Variants in CPQ observed in about 807,000 individuals in gnomAD.
The protein encoded by CPQ is carboxypeptidase Q.
CPQ carries 37 observed loss-of-function variants against 45.7 expected under a neutral mutation model. The ratio of observed to expected loss-of-function variants is 0.81; its 90% confidence interval spans 0.62 to 1.07. The LOEUF is 1.07. CPQ is among the 50% of genes least tolerant of loss of function. The probability of loss-of-function intolerance (pLI) is 0.00; values close to 1 mark genes in which losing one functional copy is unlikely to be tolerated. For synonymous variants in CPQ, 186 were observed against 205.8 expected (o/e 0.90, Z 0.82); for missense variants, 537 against 572.9 (o/e 0.94, Z 0.64).
At chr8:96,681,579 G>A (rs1222275760) in intron 1 of CPQ, among the ~76,000 whole-genome samples, 4 of 152,176 alleles carry the variant, frequency 2.6e-5, no homozygotes, top group East Asian at 1.9e-4. Flanking sequence ...CTTCTGCCAT[G>A]GCAGTGTGGA....
intron 1 of CPQ, among the ~76,000 whole-genome samples, chr8:96,661,656 T>TGGG (rs1815703430): frequency 6.6e-6 from 1 of 152,228 alleles, no homozygotes; most frequent in African/African-American, 2.4e-5. Flanking sequence ...TTCCATTGTC[T>TGGG]GGGTGTGCTA....
At chr8:97,046,604 A>ATGGAT (rs1486157909) in intron 6 of CPQ, among the ~76,000 whole-genome samples, 4 of 152,170 alleles carry the variant, frequency 2.6e-5, no homozygotes, top group Admixed American at 2.6e-4. Context: ...ATTTGCTTTT[A>ATGGAT]TGGATTCCTA....
At chr8:96,981,092 G>A (rs1813887634) in intron 5 of CPQ, among the ~76,000 whole-genome samples, 1 of 152,180 alleles carries the variant, frequency 6.6e-6, no homozygotes, top group East Asian at 1.9e-4. Flanking sequence ...AAAAATCAAG[G>A]CAGAGAAAAC....
chr8:96,989,209 C>T (rs1809043136), intron 5 of CPQ, among the ~76,000 whole-genome samples: 2 of 152,022 alleles, frequency 1.3e-5, no homozygotes, highest in South Asian at 4.1e-4. Context: ...CCATTAAGTT[C>T]CTTAATTGTG....
chr8:97,021,626 A>G (rs766426143), intron 5 of CPQ, among the ~76,000 whole-genome samples: 7 of 152,182 alleles, frequency 4.6e-5, no homozygotes, highest in African/African-American at 9.6e-5. Flanking sequence ...CAAAAAGATA[A>G]TATAATAAAA....
chr8:96,954,088 G>T (rs956107516), intron 4 of CPQ, among the ~76,000 whole-genome samples: 3 of 152,126 alleles, frequency 2.0e-5, no homozygotes, highest in Non-Finnish European at 4.4e-5. Context: ...ATATAATTTA[G>T]TAAGAATGGT....
rs957144736 is a variant in CPQ at position 97,091,101 on chromosome 8, A to G, written c.1255+24891A>G. On this transcript the variant is annotated intron_variant, in intron 7 of 7. Coordinates refer to ENST00000220763, the MANE Select transcript of CPQ (RefSeq NM_016134.4). ...AGGATTGAGATTTTGTGTAGAGGAGAGTTTGGTAAGAGTCCAAGAAAGTGG... is the reference window on the plus strand; with the variant it reads ...AGGATTGAGATTTTGTGTAGAGGAGGGTTTGGTAAGAGTCCAAGAAAGTGG... Among the ~76,000 whole-genome samples the G allele has an allele frequency of 2.0e-5, 3 of 152,066 alleles. No homozygotes were observed. The South Asian group carries it at 6.2e-4, about 32-fold the overall frequency.
chr8:96,924,803 C>A (rs1436632001), intron 4 of CPQ, among the ~76,000 whole-genome samples: 2 of 152,190 alleles, frequency 1.3e-5, no homozygotes, highest in African/African-American at 4.8e-5. Context: ...ATATAAACTT[C>A]TGTGGATATT....
intron 1 of CPQ, among the ~76,000 whole-genome samples, chr8:96,670,660 T>C (rs1563697549): frequency 6.6e-6 from 1 of 152,132 alleles, no homozygotes; most frequent in African/African-American, 2.4e-5. Flanking sequence ...TTAAACAAAC[T>C]GTGATATATC....
chr8:97,033,512 G>C (rs901620105), intron 6 of CPQ, among the ~76,000 whole-genome samples: 1 of 151,940 alleles, frequency 6.6e-6, no homozygotes, highest in Non-Finnish European at 1.5e-5. Context: ...TCTCTTTCTC[G>C]TTTGTATGAC....
At chr8:96,885,031 TAGTC>T (rs1484711764) in intron 4 of CPQ, among the ~76,000 whole-genome samples, 1 of 152,212 alleles carries the variant, frequency 6.6e-6, no homozygotes, top group Non-Finnish European at 1.5e-5. Context: ...GTGGGTATCT[TAGTC>T]TGTTTTATGC....
chr8:97,059,057 G>T (rs187569699), intron 6 of CPQ, among the ~76,000 whole-genome samples: 1 of 152,062 alleles, frequency 6.6e-6, no homozygotes, highest in Non-Finnish European at 1.5e-5. Flanking sequence ...TGCAGGGTTC[G>T]TGTGTTTTTG....
intron 1 of CPQ, among the ~76,000 whole-genome samples, chr8:96,688,258 G>T (rs1809260739): frequency 6.6e-6 from 1 of 151,962 alleles, no homozygotes; most frequent in Admixed American, 6.6e-5. Flanking sequence ...TACCATGAAC[G>T]TTATTTTCTT....
intron 1 of CPQ, among the ~76,000 whole-genome samples, chr8:96,684,139 T>C (rs1337245097): frequency 6.6e-6 from 1 of 152,244 alleles, no homozygotes; most frequent in Non-Finnish European, 1.5e-5. Flanking sequence ...TTACATTGAT[T>C]TCAGTGCATC....
intron 7 of CPQ, among the ~76,000 whole-genome samples, chr8:97,122,927 TAAATAAAATAAAATAAAATAAAATA>T (rs1313373275): frequency 5.1e-5 from 2 of 38,852 alleles, no homozygotes; most frequent in Non-Finnish European, 8.1e-5. Context: ...TAAAATAAAA[TAAATAAAATAAAATAAAATAAAATA>T]AAATAAAATA....
intron 1 of CPQ, among the ~76,000 whole-genome samples, chr8:96,783,778 A>G (rs925708621): frequency 1.3e-5 from 2 of 152,218 alleles, no homozygotes; most frequent in African/African-American, 2.4e-5. Context: ...AGTGTGACTG[A>G]GAAAATAAAT....
At chr8:96,814,112 A>T (rs1407694859) in intron 2 of CPQ, among the ~76,000 whole-genome samples, 1 of 152,044 alleles carries the variant, frequency 6.6e-6, no homozygotes, top group Non-Finnish European at 1.5e-5. Flanking sequence ...GGGGGGCATT[A>T]TTCTGTCCAC....
chr8:96,766,399 T>C (rs1218529974), intron 1 of CPQ, among the ~76,000 whole-genome samples: 2 of 152,176 alleles, frequency 1.3e-5, no homozygotes, highest in African/African-American at 4.8e-5. Context: ...TGATGCTGGC[T>C]TGGGCTGTGT....
intron 2 of CPQ, among the ~76,000 whole-genome samples, chr8:96,795,724 C>T (rs1554568767): frequency 6.6e-6 from 1 of 151,644 alleles, no homozygotes; most frequent in Non-Finnish European, 1.5e-5. Flanking sequence ...TTATTTTTTT[C>T]TCTTCTTTTA....
Sources: allele counts gnomAD v4.1 joint callset (sites outside exome capture counted in the v4.1 genomes callset), GRCh38; gene constraint gnomAD v4.1.1; transcripts MANE v1.5; gene names NCBI Gene and HGNC (gene_info 2026-07-23, HGNC 2026-07-21).